The following RBFA variants were observed in gnomAD, a reference collection of about 807,000 sequenced individuals.
RBFA encodes putative ribosome-binding factor A, mitochondrial.
In RBFA, 16 loss-of-function variants were observed where a neutral mutation model predicts 27.9. The observed-to-expected ratio is 0.57, with a 90% confidence interval of 0.39 to 0.87. RBFA has a LOEUF of 0.87. RBFA is among the 40% of genes least tolerant of loss of function. RBFA has a pLI of 0.00. For missense variants in RBFA, 456 were observed against 432.1 expected (o/e 1.06, Z -0.49); for synonymous variants, 181 against 181.0 (o/e 1.00, Z 0.00).
At position 80,037,509 on chromosome 18, in the gene RBFA, A is replaced by G. The variant is rs1162121656; in HGVS notation, c.378+3A>G. 7 of 1,596,996 alleles carry G rather than the reference A, an allele frequency of 4.4e-6. No homozygotes were observed. The Admixed American group carries it at 6.7e-5, about 15-fold the overall frequency. ...ACCTTAACGTGGAGCTCTCCAAGGT[A>G]GGCTGTGTGGCCAAAGAGAAGAAAT... On this transcript the variant is annotated splice_donor_region_variant and intron_variant, in intron 3 of 6. Transcript: ENST00000306735.
chr18:80,050,184 G>C lies in RBFA; in HGVS notation c.*4029G>C, dbSNP rs1163001515. 2.0e-5 allele frequency among the ~76,000 whole-genome samples: 3 copies of C among 152,198 alleles called. No individual in the cohort carries two copies. On this transcript the variant is annotated 3_prime_UTR_variant, in exon 7 of 7. Coordinates refer to ENST00000306735, the MANE Select transcript of RBFA (RefSeq NM_024805.3). ...TTGGGGGAAGAATGAGGGGACAACAGGGCAGGGAGAAGGGACAGAGCTAGA... is the reference window on the plus strand; with the variant it reads ...TTGGGGGAAGAATGAGGGGACAACACGGCAGGGAGAAGGGACAGAGCTAGA...
intron 1 of RBFA, 111 bp from the exon 2 acceptor site, chr18:80,036,557 C>A: frequency 1.6e-6 from 1 of 642,250 alleles, no homozygotes; most frequent in Non-Finnish European, 2.6e-6. Flanking sequence ...AGTAATGTAA[C>A]ATCTAAGTTT....
chr18:80,036,584 T>A (rs1369291047), intron 1 of RBFA, 84 bp from the exon 2 acceptor site: 2 of 1,009,930 alleles, frequency 2.0e-6, no homozygotes, highest in Admixed American at 1.8e-5. Flanking sequence ...CTATAAACAG[T>A]TATGGTATCA....
intron 5 of RBFA, among the ~76,000 whole-genome samples, chr18:80,043,834 C>T (rs575337080): frequency 1.3e-5 from 2 of 152,256 alleles, no homozygotes; most frequent in East Asian, 1.9e-4. Context: ...AGGCTTTTGT[C>T]CCCCAAGGCA....
At chr18:80,044,408 G>C (rs2052036777) in intron 6 of RBFA, 123 bp downstream of exon 6, 1 of 857,722 alleles carries the variant, frequency 1.2e-6, no homozygotes, top group African/African-American at 1.6e-5. Context: ...CATGGCACTT[G>C]CCTCCAGGGC....
intron 6 of RBFA, 122 bp from the exon 7 acceptor site, chr18:80,045,652 G>T (rs904509035): frequency 8.5e-7 from 1 of 1,176,676 alleles, no homozygotes. Context: ...TCAGATAGAC[G>T]TTTGGGAGGG....
intron 3 of RBFA, among the ~76,000 whole-genome samples, chr18:80,037,737 AACTT>A (rs983135537): frequency 6.6e-6 from 1 of 152,052 alleles, no homozygotes; most frequent in African/African-American, 2.4e-5. Context: ...AAAATACAAA[AACTT>A]AGCCGGGCAT....
At chr18:80,045,674 G>C in intron 6 of RBFA, 100 bp from the exon 7 acceptor site, 1 of 1,351,214 alleles carries the variant, frequency 7.4e-7, no homozygotes, top group Non-Finnish European at 9.8e-7. Flanking sequence ...TCTCAGGCGA[G>C]TAGATGTAGG....
In RBFA at chr18:80,046,135, T is replaced by A; in HGVS notation, c.1012T>A (p.Cys338Ser). The change falls in exon 7 of 7, where the codon TGC becomes AGC. Residue 338 changes from cysteine (C) to serine (S), a missense_variant. Physicochemically the swap from Cys to Ser is moderately radical, Grantham distance 112. Transcript: ENST00000306735. ...GGGRTEDGHS[C>S]GASRE ...TGGCAGAACAGAGGATGGCCACAGC[T>A]GCGGAGCAAGCAGGGAGTAGATGGA... 1 of 1,613,968 alleles carries A rather than the reference T, an allele frequency of 6.2e-7. No homozygotes were observed. Among genetic ancestry groups the A allele is most frequent in the Non-Finnish European group, 8.5e-7 (1 of 1,179,952 alleles).
Position 80,038,611 on chromosome 18 carries a change from ACATGAGGTGATGAC to A in RBFA, c.487_491+9del. ...GCTGTCCTGCAGAGAAGTGCCGCGC[ACATGAGGTGATGAC>A]CTTTGCTTTCTGAATGTACTTGCTT... On this transcript the variant is annotated splice_donor_variant and splice_donor_5th_base_variant and coding_sequence_variant and intron_variant, in exon 4 of 7. Coordinates refer to ENST00000306735, the MANE Select transcript of RBFA (RefSeq NM_024805.3). LOFTEE classifies it high-confidence loss of function. 1 of 1,610,530 alleles carries A rather than the reference ACATGAGGTGATGAC, an allele frequency of 6.2e-7. No individual in the cohort carries two copies. The highest frequency in any genetic ancestry group is 8.5e-7 in the Non-Finnish European group (1 of 1,177,416).
chr18:80,036,783 T>C, intron 2 of RBFA, 73 bp downstream of exon 2: 1 of 1,109,948 alleles, frequency 9.0e-7, no homozygotes, highest in Non-Finnish European at 1.3e-6. Flanking sequence ...AACTCTTACC[T>C]GGAGGTCTTT....
intron 6 of RBFA, among the ~76,000 whole-genome samples, 183 bp from the exon 7 acceptor site, chr18:80,045,591 A>G (rs1263364367): frequency 2.0e-5 from 3 of 152,014 alleles, no homozygotes; most frequent in Non-Finnish European, 2.9e-5. Flanking sequence ...CTGACACTGG[A>G]GAAGGCGGAA....
At chr18:80,045,485 A>C (rs981814357) in intron 6 of RBFA, among the ~76,000 whole-genome samples, 1 of 152,086 alleles carries the variant, frequency 6.6e-6, no homozygotes, top group Admixed American at 6.6e-5. Flanking sequence ...TCAGCCTCGC[A>C]CAGTGCTGGG....
rs2052088821 is a variant in RBFA at position 80,050,502 on chromosome 18, A to G, written c.*4347A>G. On this transcript the variant is annotated 3_prime_UTR_variant, in exon 7 of 7. Transcript: ENST00000306735. The stretch of plus-strand genomic sequence containing the variant: ...CCTTTGTGCCACAAACAATCCGATT[A>G]TATTGTTTTAGTTATTTTTAAATAT... Among the ~76,000 whole-genome samples, 1 of 152,170 alleles carries G rather than the reference A, an allele frequency of 6.6e-6. No homozygotes were observed. The highest frequency in any genetic ancestry group is 1.9e-4 in the East Asian group (1 of 5,200).
rs537997401 is a variant in RBFA at position 80,049,392 on chromosome 18, G to T, written c.*3237G>T. Among the ~76,000 whole-genome samples, 1 of 152,042 alleles carries T rather than the reference G, an allele frequency of 6.6e-6. No individual in the cohort carries two copies. The highest frequency in any genetic ancestry group is 1.9e-4 in the East Asian group (1 of 5,156). On this transcript the variant is annotated 3_prime_UTR_variant, in exon 7 of 7. Coordinates refer to ENST00000306735, the MANE Select transcript of RBFA (RefSeq NM_024805.3). ...CCCGGGGATTTCCATGGCCTTCCCT[G>T]GATGATCCACTCCTGGGGATTTTCC...
At position 80,045,931 on chromosome 18, in the gene RBFA, G is replaced by C. The variant is rs1322505067; in HGVS notation, c.808G>C (p.Glu270Gln). Residue 270 changes from glutamate to glutamine, a missense_variant, in exon 7 of 7, where the codon GAG becomes CAG. By Grantham distance (29) the Glu-to-Gln change is conservative. Transcript: ENST00000306735. The part of the protein sequence containing the change: ...GGLVWQGQVA[E>Q]LTTQMKKGRK... Reference sequence around the variant, plus strand: ...CCTGGTGTGGCAGGGGCAGGTGGCTGAGCTGACAACGCAGATGAAAAAGGG... The same window carrying C: ...CCTGGTGTGGCAGGGGCAGGTGGCTCAGCTGACAACGCAGATGAAAAAGGG... The C allele has an allele frequency of 6.2e-7, 1 of 1,613,914 alleles. No individual in the cohort carries two copies. The highest frequency in any genetic ancestry group is 1.1e-5 in the South Asian group (1 of 91,074).
chr18:80,046,112 G>T lies in RBFA; in HGVS notation c.989G>T (p.Gly330Val). 1.2e-6 allele frequency: 2 copies of T among 1,614,142 alleles called. No homozygotes were observed. Among genetic ancestry groups the T allele is most frequent in the Non-Finnish European group, 1.7e-6 (2 of 1,180,020 alleles). ...GAGTTGGAGGCAGAGAGAGGAGGTG[G>T]CAGAACAGAGGATGGCCACAGCTGC... ...TEELEAERGG[G>V]RTEDGHSCGA... is the part of the protein sequence containing the mutation. The change falls in exon 7 of 7, where the codon GGC (glycine) becomes GTC (valine). Residue 330 changes from glycine to valine, a missense_variant. Transcript: ENST00000306735.
At chr18:80,039,249 A>C (rs960460445) in intron 4 of RBFA, among the ~76,000 whole-genome samples, 1 of 152,372 alleles carries the variant, frequency 6.6e-6, no homozygotes, top group African/African-American at 2.4e-5. Context: ...GATTCCTATC[A>C]GCCCAGGAAT....
intron 1 of RBFA, 70 bp downstream of exon 1, chr18:80,034,723 C>G: frequency 6.4e-7 from 1 of 1,573,928 alleles, no homozygotes; most frequent in Non-Finnish European, 8.6e-7. Flanking sequence ...GTTGCGGTGT[C>G]CGCTCATCCG....
Sources: gnomAD v4.1 joint callset for allele counts (sites outside exome capture counted in the v4.1 genomes callset) on GRCh38, gnomAD v4.1.1 for gene constraint, MANE v1.5 for transcripts, NCBI Gene and HGNC (gene_info 2026-07-23, HGNC 2026-07-21) for gene names.